The following TMEM184A variants were observed in gnomAD, a reference collection of about 807,000 sequenced individuals.
The protein encoded by TMEM184A is transmembrane protein 184A.
In TMEM184A, 40 loss-of-function variants were observed where a neutral mutation model predicts 39.5. The observed-to-expected ratio is 1.01, with a 90% CI of 0.79 to 1.32. TMEM184A has a LOEUF of 1.32. Ranked by LOEUF, TMEM184A falls within the 40% of genes most tolerant of loss-of-function variation. The probability of loss-of-function intolerance (pLI) is 0.00; values close to 1 mark genes in which losing one functional copy is unlikely to be tolerated. For synonymous variants in TMEM184A, 280 were observed against 252.3 expected (o/e 1.11, Z -1.04); for missense variants, 603 against 568.8 (o/e 1.06, Z -0.61).
Position 1,542,983 on chromosome 7 carries a change from G to C in TMEM184A, c.*3969C>G, listed in dbSNP as rs532461313. 6.5e-6 allele frequency: 1 copy of C among 152,682 alleles called. No individual in the cohort carries two copies. Among genetic ancestry groups the C allele is most frequent in the South Asian group, 2.1e-4 (1 of 4,838 alleles). The allele number at this position is 152,682 out of a possible 1,614,324, so 9.5% of individuals were successfully genotyped here. On this transcript the variant is annotated 3_prime_UTR_variant, in exon 9 of 9. Transcript: ENST00000297477. ...TGCGGCCACCACCTAATTTATTGCC[G>C]TGCGTCCTGCTGCTGTGACTGCTTT...
Position 1,555,225 on chromosome 7 carries a change from G to T in TMEM184A, c.219+41C>A. Reference sequence around the variant, plus strand: ...CTGAGCCACGGCCACGTCCTGTGGAGACCAAGGTCCTGAAGGAGGCTCGGG... The same window carrying T: ...CTGAGCCACGGCCACGTCCTGTGGATACCAAGGTCCTGAAGGAGGCTCGGG... On this transcript the variant is annotated intron_variant, in intron 2 of 8. Transcript: ENST00000297477. This position sits in a 1 kb window ranked among gnomAD's most constrained non-coding sequence, Gnocchi z 5.2. The T allele has an allele frequency of 6.5e-7, 1 of 1,531,042 alleles. No homozygotes were observed. The highest frequency in any genetic ancestry group is 8.8e-7 in the Non-Finnish European group (1 of 1,131,402). The allele number at this position is 1,531,042 out of a possible 1,614,324, so 94.8% of individuals were successfully genotyped here.
At chr7:1,551,670 C>T (rs1420334422) in intron 2 of TMEM184A, among the ~76,000 whole-genome samples, 1 of 152,110 alleles carries the variant, frequency 6.6e-6, no homozygotes, top group East Asian at 1.9e-4. Flanking sequence ...GGTGCAGTGG[C>T]TCACACCTAT....
chr7:1,554,532 G>A (rs999165976), intron 2 of TMEM184A, among the ~76,000 whole-genome samples: 4 of 152,086 alleles, frequency 2.6e-5, no homozygotes, highest in Non-Finnish European at 4.4e-5. Context: ...CCACCCCTGC[G>A]CACACCGCCC....
chr7:1,549,440 C>T (rs1784493718), intron 6 of TMEM184A: 1 of 416,892 alleles, frequency 2.4e-6, no homozygotes. Flanking sequence ...GCCCAGGTGC[C>T]CTTAATGCCA....
chr7:1,548,571 G>A lies in TMEM184A; in HGVS notation c.762C>T (p.Pro254=), dbSNP rs769695318. ...CTTTGATGGTGAGGAACTTGAGGACGGGCTGGAAGGGCCGCAGGAGCTCCC... is the reference window on the plus strand; with the variant it reads ...CTTTGATGGTGAGGAACTTGAGGACAGGCTGGAAGGGCCGCAGGAGCTCCC... ...TTRELLRPFQ[P]VLKFLTIKAV... The change falls in exon 7 of 9, where the codon CCC becomes CCT. Residue 254 remains proline (P), a synonymous_variant. Transcript: ENST00000297477. 6.2e-5 allele frequency: 100 copies of A among 1,613,676 alleles called. No homozygotes were observed. Among genetic ancestry groups the A allele is most frequent in the East Asian group, 4.9e-4 (22 of 44,894 alleles).
Position 1,550,887 on chromosome 7 carries a change from C to T in TMEM184A, c.315G>A (p.Trp105Ter). Reference sequence around the variant, plus strand: ...GGTCTCCGAGGAGGAGGAGGCTGAGCCAGGAGTCGAAGGCGTAGATGGGCA... The same window carrying T: ...GGTCTCCGAGGAGGAGGAGGCTGAGTCAGGAGTCGAAGGCGTAGATGGGCA... ...LIVPIYAFDS[W>*]LSLLLLGDHQ... Residue 105 changes from tryptophan to a stop codon, truncating the protein, a stop_gained, in exon 3 of 9, where the codon TGG becomes TGA. Coordinates refer to ENST00000297477, the MANE Select transcript of TMEM184A (RefSeq NM_001097620.2). LOFTEE classifies it high-confidence loss of function. The T allele has an allele frequency of 6.2e-7, 1 of 1,613,752 alleles. No individual in the cohort carries two copies.
chr7:1,549,753 G>A (rs905942595), intron 6 of TMEM184A, 101 bp downstream of exon 6: 18 of 1,093,788 alleles, frequency 1.6e-5, no homozygotes, highest in Admixed American at 9.2e-5. Flanking sequence ...CCTTACTTGA[G>A]CCCAGCTGGA....
intron 2 of TMEM184A, among the ~76,000 whole-genome samples, chr7:1,551,926 G>C (rs895327686): frequency 9.3e-5 from 14 of 150,760 alleles, no homozygotes; most frequent in Admixed American, 3.3e-4. Flanking sequence ...GACAGAGCGA[G>C]ACCCTTTCTC....
chr7:1,553,935 CTG>C (rs1016009653), intron 2 of TMEM184A, among the ~76,000 whole-genome samples: 2 of 152,132 alleles, frequency 1.3e-5, no homozygotes, highest in Non-Finnish European at 2.9e-5. Flanking sequence ...CCTGTCTTGA[CTG>C]CGAGGCCCCA....
At chr7:1,552,482 A>G (rs1784641717) in intron 2 of TMEM184A, among the ~76,000 whole-genome samples, 1 of 150,350 alleles carries the variant, frequency 6.7e-6, no homozygotes, top group Non-Finnish European at 1.5e-5. Flanking sequence ...ATTGTTATTT[A>G]TAACAGTCAC....
At chr7:1,554,553 G>C (rs1438956294) in intron 2 of TMEM184A, among the ~76,000 whole-genome samples, 1 of 152,144 alleles carries the variant, frequency 6.6e-6, no homozygotes, top group Non-Finnish European at 1.5e-5. Flanking sequence ...TGGCCTCTCT[G>C]TGTATCTGAG....
chr7:1,549,511 C>A, intron 6 of TMEM184A: 1 of 487,118 alleles, frequency 2.1e-6, no homozygotes, highest in Non-Finnish European at 4.2e-6. Flanking sequence ...GCCCTGGGGT[C>A]CTCGGCGCAG....
Position 1,555,369 on chromosome 7 carries a change from CCCATGTGGT to C in TMEM184A, c.107_115del (p.Asp36_Met38del). On this transcript the variant is annotated inframe_deletion, in exon 2 of 9. Transcript: ENST00000297477. The surrounding 1 kb of genome is among the most constrained non-coding windows in gnomAD (Gnocchi z 5.2). The stretch of plus-strand genomic sequence containing the variant: ...CCAGGGGGCCCCCTGGGAGCTGTTC[CCCATGTGGT>C]CCATCTGCGGCCCAGCTGGCACAGC... 6.2e-7 allele frequency: 1 copy of C among 1,611,644 alleles called. No individual in the cohort carries two copies. The highest frequency in any genetic ancestry group is 2.2e-5 in the East Asian group (1 of 44,828).
intron 6 of TMEM184A, chr7:1,549,274 C>T (rs1484124284): frequency 4.5e-6 from 2 of 440,788 alleles, no homozygotes; most frequent in African/African-American, 4.0e-5. Context: ...GCACATGTGT[C>T]CCCGTGTGTG....
In TMEM184A at chr7:1,550,291, G is replaced by A; in HGVS notation, c.476+14C>T. On this transcript the variant is annotated intron_variant, in intron 4 of 8. Transcript: ENST00000297477. ...GGTGTGTGGGGTGTGGGGGCTCTGG[G>A]GTGACGGGCTTACTTGATGGGCTTT... The A allele has an allele frequency of 1.2e-6, 2 of 1,612,080 alleles. No homozygotes were observed. The highest frequency in any genetic ancestry group is 1.7e-6 in the Non-Finnish European group (2 of 1,179,384).
rs71523241 is a variant in TMEM184A, at chr7:1,545,286, T to C, written c.*1666A>G. On this transcript the variant is annotated 3_prime_UTR_variant, in exon 9 of 9. Transcript: ENST00000297477. ...GCAGGGAGGAGCTCAGCCTATCTTA[T>C]CAGGCAGCCGGGCTGGGCCCTGCAG... is the stretch of plus-strand genomic sequence containing the variant. 6.6e-6 allele frequency: 1 copy of C among 152,602 alleles called. No individual in the cohort carries two copies. The highest frequency in any genetic ancestry group is 6.5e-5 in the Admixed American group (1 of 15,292). 9.5% of individuals were successfully genotyped at this position (152,602 alleles called of 1,614,324 possible).
rs1554286461 is a variant in TMEM184A at position 1,543,101 on chromosome 7, C to CCG, written c.*3850_*3851insCG. On this transcript the variant is annotated 3_prime_UTR_variant, in exon 9 of 9. Coordinates refer to ENST00000297477, the MANE Select transcript of TMEM184A (RefSeq NM_001097620.2). ...GGGCTTTCTTGGGCCAAGAACCACA[C>CCG]CCCCCCCCCAATCCCAGGGGACCCT... The CCG allele has an allele frequency of 2.4e-3, 52 of 21,640 alleles. No homozygotes were observed. The Admixed American group carries it at 0.026, about 11-fold the overall frequency. 1.3% of individuals were successfully genotyped at this position (21,640 alleles called of 1,614,324 possible). A position where few individuals can be genotyped will look rare whatever the true frequency, so the allele number is the denominator to read the frequency against.
intron 7 of TMEM184A, 72 bp from the exon 8 acceptor site, chr7:1,548,011 G>A (rs927520949): frequency 3.2e-5 from 48 of 1,483,276 alleles, no homozygotes; most frequent in African/African-American, 3.1e-4. Flanking sequence ...CCCAGACCCC[G>A]CAGCGGCTCC....
chr7:1,548,925 A>G (rs184959314), intron 6 of TMEM184A: 2 of 665,570 alleles, frequency 3.0e-6, no homozygotes, highest in Admixed American at 2.1e-5. Flanking sequence ...CGTTCTCCCT[A>G]CCGGCCCTGC....
Sources: gnomAD v4.1 joint callset for allele counts (sites outside exome capture counted in the v4.1 genomes callset) on GRCh38, gnomAD v4.1.1 for gene constraint, Gnocchi (gnomAD v3.1) non-coding constraint, MANE v1.5 for transcripts, NCBI Gene and HGNC (gene_info 2026-07-23, HGNC 2026-07-21) for gene names.